PTPRA: variants seen among roughly 807,000 people sequenced by gnomAD.
PTPRA encodes receptor-type tyrosine-protein phosphatase alpha.
A neutral mutation model predicts 104.8 loss-of-function variants in PTPRA; 25 were observed. That is an observed-to-expected ratio of 0.24 (90% CI 0.17 to 0.33). The LOEUF is 0.33. Among genes scored for constraint, PTPRA ranks in the 10% least tolerant of loss-of-function variants. The pLI, the probability that PTPRA is intolerant of heterozygous loss-of-function variation, is 1.00. For synonymous variants in PTPRA, 323 were observed against 368.9 expected (o/e 0.88, Z 1.43); for missense variants, 765 against 1,015.3 (o/e 0.75, Z 3.35).
At chr20:2,947,905 T>C in intron 2 of PTPRA, 77 bp from the exon 3 acceptor site, 3 of 601,416 alleles carry the variant, frequency 5.0e-6, no homozygotes, top group Non-Finnish European at 7.7e-6. Flanking sequence ...CGATAATTTC[T>C]GTCAATAGGA....
intron 1 of PTPRA, among the ~76,000 whole-genome samples, chr20:2,903,480 G>A (rs916151635): frequency 6.6e-6 from 1 of 152,138 alleles, no homozygotes; most frequent in African/African-American, 2.4e-5. Flanking sequence ...AAGGCTAGGA[G>A]TTCAAGACCA....
intron 3 of PTPRA, among the ~76,000 whole-genome samples, chr20:2,960,025 A>C (rs930439307): frequency 6.6e-6 from 1 of 152,138 alleles, no homozygotes; most frequent in Non-Finnish European, 1.5e-5. Context: ...CCTCCTCATT[A>C]TCCACATCCT....
chr20:3,004,385 A>G (rs895668376), intron 9 of PTPRA, among the ~76,000 whole-genome samples: 16 of 152,266 alleles, frequency 1.1e-4, no homozygotes, highest in Non-Finnish European at 1.8e-4. Context: ...ATACAAACAC[A>G]GACTATCTCA....
At chr20:2,939,905 G>A (rs6051491) in intron 2 of PTPRA, among the ~76,000 whole-genome samples, 2 of 152,270 alleles carry the variant, frequency 1.3e-5, no homozygotes, top group South Asian at 2.1e-4. Flanking sequence ...TGAGGAGTTC[G>A]AGACCAGCCT....
At chr20:3,034,284 A>G (rs1321896366) in intron 20 of PTPRA, among the ~76,000 whole-genome samples, 5 of 152,130 alleles carry the variant, frequency 3.3e-5, no homozygotes, top group African/African-American at 1.2e-4. Context: ...AGAAAAAAAA[A>G]ATGAGACTCT....
At chr20:2,942,049 G>A (rs1286960518) in intron 2 of PTPRA, among the ~76,000 whole-genome samples, 1 of 152,202 alleles carries the variant, frequency 6.6e-6, no homozygotes, top group Non-Finnish European at 1.5e-5. Context: ...ACTATTTCTA[G>A]TAGAAGGAAC....
intron 6 of PTPRA, among the ~76,000 whole-genome samples, chr20:2,982,733 A>G (rs1242385349): frequency 3.3e-5 from 5 of 150,934 alleles, no homozygotes; most frequent in South Asian, 2.1e-4. Flanking sequence ...GTCTCGCTCT[A>G]TTGCCCAGGC....
chr20:2,905,690 C>CTTT (rs11479039), intron 1 of PTPRA, among the ~76,000 whole-genome samples: 27 of 70,614 alleles, frequency 3.8e-4, no homozygotes, highest in Non-Finnish European at 5.9e-4. Context: ...TCATAAAATT[C>CTTT]TTTTTTTTTT....
At chr20:3,001,616 A>G (rs1464478879) in intron 9 of PTPRA, among the ~76,000 whole-genome samples, 1 of 152,210 alleles carries the variant, frequency 6.6e-6, no homozygotes, top group Non-Finnish European at 1.5e-5. Flanking sequence ...GAAGGAAGAG[A>G]ATGCAAACTG....
intron 5 of PTPRA, among the ~76,000 whole-genome samples, chr20:2,972,504 A>T (rs1191500640): frequency 6.6e-6 from 1 of 152,150 alleles, no homozygotes; most frequent in Non-Finnish European, 1.5e-5. Flanking sequence ...CCGCCCAAAC[A>T]TATTGTATCG....
At chr20:2,935,925 A>G (rs1008038010) in intron 2 of PTPRA, among the ~76,000 whole-genome samples, 1 of 152,130 alleles carries the variant, frequency 6.6e-6, no homozygotes, top group African/African-American at 2.4e-5. Context: ...GCTGAGAGGC[A>G]GGAGAATCAC....
intron 3 of PTPRA, among the ~76,000 whole-genome samples, chr20:2,956,183 C>CT (rs2061529364): frequency 1.3e-5 from 2 of 152,190 alleles, no homozygotes; most frequent in Non-Finnish European, 2.9e-5. Flanking sequence ...AGTGACCCTC[C>CT]TTACTTCAAA....
chr20:2,968,014 G>A (rs1039857655), intron 5 of PTPRA, among the ~76,000 whole-genome samples: 7 of 152,018 alleles, frequency 4.6e-5, no homozygotes, highest in Non-Finnish European at 8.8e-5. Flanking sequence ...TAGGCTTGTC[G>A]ATCTCTAGGG....
intron 20 of PTPRA, among the ~76,000 whole-genome samples, chr20:3,031,224 GAGACATA>G (rs1001408837): frequency 6.6e-4 from 100 of 152,132 alleles, no homozygotes; most frequent in African/African-American, 2.2e-3. Context: ...GACCTCATAA[GAGACATA>G]AGACATAAGA....
At chr20:2,977,629 A>T (rs906589556) in intron 6 of PTPRA, among the ~76,000 whole-genome samples, 2 of 151,678 alleles carry the variant, frequency 1.3e-5, no homozygotes, top group Non-Finnish European at 2.9e-5. Context: ...TGGGCAACAG[A>T]GCAAGACTCT....
chr20:2,975,937 A>G (rs2062414550), intron 6 of PTPRA, among the ~76,000 whole-genome samples: 2 of 152,192 alleles, frequency 1.3e-5, no homozygotes, highest in Admixed American at 6.5e-5. Flanking sequence ...ATAATTTTCT[A>G]TTTTATCAAA....
intron 6 of PTPRA, among the ~76,000 whole-genome samples, chr20:2,982,122 G>A (rs1427765461): frequency 7.3e-6 from 1 of 137,268 alleles, no homozygotes; most frequent in Admixed American, 8.0e-5. Context: ...GCAGAGTCTC[G>A]CTCCGTCACC....
At chr20:2,868,712 GTTTTCC>G (rs924671653), upstream of PTPRA, among the ~76,000 whole-genome samples, 2 of 115,778 alleles carry the variant, frequency 1.7e-5, no homozygotes, top group African/African-American at 3.4e-5. Context: ...TTTAAAAAAT[GTTTTCC>G]CAGCTTTTCG....
intron 9 of PTPRA, among the ~76,000 whole-genome samples, chr20:3,002,409 C>T (rs1487224799): frequency 6.6e-6 from 1 of 150,882 alleles, no homozygotes; most frequent in Non-Finnish European, 1.5e-5. Context: ...TCACTGCAAC[C>T]TCCATCTCCC....
Sources: gnomAD v4.1 joint callset for allele counts (sites outside exome capture counted in the v4.1 genomes callset) on GRCh38, gnomAD v4.1.1 for gene constraint, MANE v1.5 for transcripts, NCBI Gene and HGNC (gene_info 2026-07-23, HGNC 2026-07-21) for gene names.